The following KLHL29 variants were observed in gnomAD, a reference collection of about 807,000 sequenced individuals.
The protein encoded by KLHL29 is kelch-like protein 29.
A neutral mutation model predicts 80.4 loss-of-function variants in KLHL29; 21 were observed. The ratio of observed to expected loss-of-function variants is 0.26; its 90% CI spans 0.19 to 0.38. The LOEUF (loss-of-function observed/expected upper bound fraction) is 0.38, where lower values mean the gene tolerates loss of function less well. Ranked by LOEUF, KLHL29 falls within the 10% of genes least tolerant of loss-of-function variation. KLHL29 has a pLI of 1.00. For synonymous variants in KLHL29, 511 were observed against 526.8 expected (o/e 0.97, Z 0.41); for missense variants, 867 against 1,223.9 (o/e 0.71, Z 4.35).
chr2:23,532,919 G>T (rs1369303677), intron 2 of KLHL29, among the ~76,000 whole-genome samples: 1 of 152,132 alleles, frequency 6.6e-6, no homozygotes, highest in Non-Finnish European at 1.5e-5. Flanking sequence ...GTGCACGTGG[G>T]CCGAGAGGAG....
chr2:23,522,299 AC>A (rs1666129782), intron 2 of KLHL29, among the ~76,000 whole-genome samples: 1 of 151,988 alleles, frequency 6.6e-6, no homozygotes, highest in Admixed American at 6.6e-5. Context: ...ATAGGCGTGT[AC>A]CATCACGCCT....
intron 2 of KLHL29, among the ~76,000 whole-genome samples, chr2:23,555,658 A>T (rs1222601591): frequency 1.3e-5 from 2 of 152,232 alleles, no homozygotes; most frequent in Non-Finnish European, 2.9e-5. Context: ...TTTGGTGAGC[A>T]GGTGAGTCAG....
At chr2:23,485,653 C>T (rs932344689) in intron 2 of KLHL29, among the ~76,000 whole-genome samples, 12 of 152,044 alleles carry the variant, frequency 7.9e-5, no homozygotes, top group African/African-American at 2.7e-4. Flanking sequence ...AGGGTCCTCA[C>T]GGCCTTTGTT....
chr2:23,505,123 C>T (rs919603279), intron 2 of KLHL29, among the ~76,000 whole-genome samples: 1 of 152,238 alleles, frequency 6.6e-6, no homozygotes, highest in African/African-American at 2.4e-5. Context: ...CTATATTTGA[C>T]AGTGTCTCTC....
chr2:23,544,954 T>C (rs757103821), intron 2 of KLHL29, among the ~76,000 whole-genome samples: 14 of 152,126 alleles, frequency 9.2e-5, no homozygotes, highest in Non-Finnish European at 1.5e-4. Flanking sequence ...TGCAGGGACT[T>C]GGGAGAGATG....
rs561315768 is a variant in KLHL29 at position 23,575,114 on chromosome 2, G to A, written c.285+12633G>A. Reference sequence around the variant, plus strand: ...CCAACAGCAGCAGCTCTGCAGGCTCGGAGCTGCCTGGCCGGCCGCAAGTTT... The same window carrying A: ...CCAACAGCAGCAGCTCTGCAGGCTCAGAGCTGCCTGGCCGGCCGCAAGTTT... On this transcript the variant is annotated intron_variant, in intron 3 of 13. Transcript: ENST00000486442. Among the ~76,000 whole-genome samples the A allele has an allele frequency of 5.9e-5, 9 of 152,282 alleles. No homozygotes were observed. In the East Asian group the frequency reaches 7.7e-4, roughly 13 times the overall value.
In KLHL29 at chr2:23,650,470, G is replaced by A. The variant is rs546899754; in HGVS notation, c.940+7620G>A. ...ATCCCTCTCTCTCAATGCTTGGCAC[G>A]CCAAGCCCGGGGAGCCTGCTCGGGC... On this transcript the variant is annotated intron_variant, in intron 5 of 13. Transcript: ENST00000486442. Among the ~76,000 whole-genome samples the A allele has an allele frequency of 2.8e-4, 42 of 152,288 alleles. 1 individual carries two copies. In the South Asian group the frequency reaches 7.9e-3, roughly 29 times the overall value.
At chr2:23,456,550 C>T (rs1053025033) in intron 1 of KLHL29, among the ~76,000 whole-genome samples, 3 of 152,260 alleles carry the variant, frequency 2.0e-5, no homozygotes, top group African/African-American at 7.2e-5. Flanking sequence ...CCACGTGATG[C>T]GTGCGTCTAG....
chr2:23,703,489 C>T (rs890281341), intron 12 of KLHL29, 110 bp downstream of exon 12: 4 of 1,112,076 alleles, frequency 3.6e-6, no homozygotes, highest in Non-Finnish European at 5.0e-6. Context: ...GCTCTGCAGA[C>T]CCAGATCTAG....
At position 23,682,125 on chromosome 2, in the gene KLHL29, TC is replaced by T. The variant is rs1401131835; in HGVS notation, c.941-2272del. Among the ~76,000 whole-genome samples, 1 of 152,058 alleles carries T rather than the reference TC, an allele frequency of 6.6e-6. No homozygotes were observed. The highest frequency in any genetic ancestry group is 2.4e-5 in the African/African-American group (1 of 41,372). ...GTCTCCATGCCTCCCCCTCCCCACT[TC>T]CTTCCTGCACTGAGCCCCACGGGGT... is the stretch of plus-strand genomic sequence containing the variant. On this transcript the variant is annotated intron_variant, in intron 5 of 13. Transcript: ENST00000486442. The surrounding 1 kb of genome is among the most constrained non-coding windows in gnomAD (Gnocchi z 4.1).
intron 3 of KLHL29, among the ~76,000 whole-genome samples, chr2:23,568,386 G>T (rs1667641356): frequency 6.6e-6 from 1 of 152,180 alleles, no homozygotes; most frequent in African/African-American, 2.4e-5. Flanking sequence ...ATCTCTGCTA[G>T]GCTGTCTCAT....
intron 1 of KLHL29, among the ~76,000 whole-genome samples, chr2:23,413,809 C>T (rs913773583): frequency 7.9e-5 from 12 of 152,212 alleles, no homozygotes; most frequent in East Asian, 3.8e-4. Context: ...CCCTAGCTCC[C>T]GCCCTTCCTT....
At chr2:23,463,702 G>A (rs932801936) in intron 1 of KLHL29, among the ~76,000 whole-genome samples, 8 of 152,146 alleles carry the variant, frequency 5.3e-5, no homozygotes, top group Non-Finnish European at 7.4e-5. Flanking sequence ...ACAAGGAGCC[G>A]TAAGCCCCTT....
intron 3 of KLHL29, among the ~76,000 whole-genome samples, chr2:23,619,297 C>T (rs1486436486): frequency 6.6e-6 from 1 of 152,158 alleles, no homozygotes; most frequent in African/African-American, 2.4e-5. Context: ...GGATCGAGAG[C>T]GGGCTTCTCC....
intron 3 of KLHL29, among the ~76,000 whole-genome samples, chr2:23,636,228 C>T (rs1205481297): frequency 2.6e-5 from 4 of 152,104 alleles, no homozygotes; most frequent in African/African-American, 9.7e-5. Flanking sequence ...CCAGCCTCCT[C>T]GGCAAAGGGC....
intron 2 of KLHL29, among the ~76,000 whole-genome samples, chr2:23,528,559 A>C (rs951240610): frequency 2.0e-5 from 3 of 152,200 alleles, no homozygotes; most frequent in Non-Finnish European, 4.4e-5. Flanking sequence ...GAGAGCCTCC[A>C]GGCTTTATTC....
chr2:23,388,956 T>C (rs1666249266), intron 1 of KLHL29, among the ~76,000 whole-genome samples: 1 of 151,366 alleles, frequency 6.6e-6, no homozygotes, highest in Non-Finnish European at 1.5e-5. Flanking sequence ...TTCCTCCTTT[T>C]TGCTTCCTTC....
In KLHL29 at chr2:23,639,306, A is replaced by G. The variant is rs1283308980; in HGVS notation, c.427+26A>G. 7 of 1,541,698 alleles carry G rather than the reference A, an allele frequency of 4.5e-6. No individual in the cohort carries two copies. The East Asian group carries it at 1.5e-4, about 33-fold the overall frequency. ...GTACGTACCTCATCGGCAGATAGAA[A>G]CGACTGAGCCCAGGGCTTGGCGGGA... On this transcript the variant is annotated intron_variant, in intron 4 of 13. Coordinates refer to ENST00000486442, the MANE Select transcript of KLHL29 (RefSeq NM_052920.2).
chr2:23,594,977 G>A (rs915863741), intron 3 of KLHL29, among the ~76,000 whole-genome samples: 13 of 152,058 alleles, frequency 8.5e-5, no homozygotes, highest in African/African-American at 1.9e-4. Context: ...TTCCGTTTCC[G>A]CTCACATAAA....
Sources: allele counts gnomAD v4.1 joint callset (sites outside exome capture counted in the v4.1 genomes callset), GRCh38; gene constraint gnomAD v4.1.1; non-coding constraint Gnocchi (gnomAD v3.1); transcripts MANE v1.5; gene names NCBI Gene and HGNC (gene_info 2026-07-23, HGNC 2026-07-21).